Variants in ASB7 observed in about 807,000 individuals in gnomAD.
ASB7 encodes the protein ankyrin repeat and SOCS box protein 7.
Under a neutral mutation model 32.5 loss-of-function variants are expected in ASB7, and 4 were observed. The observed-to-expected ratio is 0.12, with a 90% CI of 0.06 to 0.28. The LOEUF is 0.28. Among genes scored for constraint, ASB7 ranks in the 10% least tolerant of loss-of-function variants. ASB7 has a pLI of 1.00. For missense variants in ASB7, 181 were observed against 407.1 expected (o/e 0.44, Z 4.78); for synonymous variants, 172 against 155.6 (o/e 1.11, Z -0.78).
At chr15:100,638,428 C>G (rs1437041270) in intron 5 of ASB7, 1 of 152,176 alleles carries the variant, frequency 6.6e-6, no homozygotes, top group Non-Finnish European at 1.5e-5. Flanking sequence ...TCTTTCCTCC[C>G]TTCTCACTAC....
At position 100,648,523 on chromosome 15, in the gene ASB7, C is replaced by A; in HGVS notation, c.*61C>A. The stretch of plus-strand genomic sequence containing the variant: ...TCTAGATACTTAAAAGGCTTTTTGC[C>A]TTGCACAAAGTATATCCTATGCAAT... On this transcript the variant is annotated 3_prime_UTR_variant, in exon 6 of 6. Coordinates refer to ENST00000332783, the MANE Select transcript of ASB7 (RefSeq NM_198243.3). 1 of 1,415,888 alleles carries A rather than the reference C, an allele frequency of 7.1e-7. No homozygotes were observed. Among genetic ancestry groups the A allele is most frequent in the Non-Finnish European group, 9.7e-7 (1 of 1,033,534 alleles). The allele number at this position is 1,415,888 out of a possible 1,614,324, so 87.7% of individuals were successfully genotyped here.
At chr15:100,648,229 GA>G in intron 5 of ASB7, 93 bp from the exon 6 acceptor site, 1 of 1,325,740 alleles carries the variant, frequency 7.5e-7, no homozygotes, top group Non-Finnish European at 1.0e-6. Context: ...AGTCCATAGA[GA>G]GAACTTCCAG....
intron 5 of ASB7, among the ~76,000 whole-genome samples, chr15:100,647,812 G>C (rs993275496): frequency 6.6e-6 from 1 of 152,080 alleles, no homozygotes; most frequent in East Asian, 1.9e-4. Flanking sequence ...GGGTGTCCGG[G>C]CTCCAGTGTC....
chr15:100,617,317 A>G (rs528714063), intron 4 of ASB7, among the ~76,000 whole-genome samples: 8 of 152,332 alleles, frequency 5.3e-5, no homozygotes, highest in African/African-American at 1.9e-4. Context: ...ATGATATTCA[A>G]AGTTTATAGT....
chr15:100,609,391 G>A (rs2039674888), intron 2 of ASB7, among the ~76,000 whole-genome samples: 1 of 152,204 alleles, frequency 6.6e-6, no homozygotes, highest in Non-Finnish European at 1.5e-5. Flanking sequence ...GTCTGAAACT[G>A]TATTCTCAAT....
intron 5 of ASB7, among the ~76,000 whole-genome samples, chr15:100,640,755 G>A (rs1029067624): frequency 2.0e-5 from 3 of 152,114 alleles, no homozygotes; most frequent in South Asian, 4.1e-4. Flanking sequence ...TCATAAAAAC[G>A]GTAATGGCGA....
intron 5 of ASB7, among the ~76,000 whole-genome samples, chr15:100,633,928 G>T (rs1055585236): frequency 1.3e-5 from 2 of 152,206 alleles, no homozygotes; most frequent in Non-Finnish European, 2.9e-5. Context: ...GGAGGCTCTG[G>T]CATGTGGGCA....
rs553413008 is a variant in ASB7, at chr15:100,645,705, C to T, written c.818-2618C>T. On this transcript the variant is annotated intron_variant, in intron 5 of 5. Coordinates refer to ENST00000332783, the MANE Select transcript of ASB7 (RefSeq NM_198243.3). ...AAAGAACCATCTTTAGTTTGGGGAT[C>T]CCACAGTCTGATATGCCTATCTGTG... The T allele has an allele frequency of 7.0e-6, 11 of 1,568,802 alleles. No individual in the cohort carries two copies. In the African/African-American group the frequency reaches 1.2e-4, roughly 17 times the overall value.
At chr15:100,611,317 G>T (rs973355644) in intron 3 of ASB7, among the ~76,000 whole-genome samples, 2 of 152,000 alleles carry the variant, frequency 1.3e-5, no homozygotes, top group African/African-American at 4.8e-5. Context: ...GCCTCCCAAA[G>T]TGCTGGGATT....
At chr15:100,607,138 C>T (rs938573425) in intron 2 of ASB7, among the ~76,000 whole-genome samples, 61 of 149,360 alleles carry the variant, frequency 4.1e-4, no homozygotes, top group African/African-American at 1.5e-3. Flanking sequence ...GGCAATAGAG[C>T]GAGCCTCCGT....
rs1321596206 is a variant in ASB7 at position 100,651,419 on chromosome 15, A to T, written c.*2957A>T. ...CGTTCTGGCAGTAGCAAGAGTACAC[A>T]TCTGGAGCATGAGGGACTCTAGCAT... On this transcript the variant is annotated 3_prime_UTR_variant, in exon 6 of 6. Transcript: ENST00000332783. 1 of 152,196 alleles carries T rather than the reference A, an allele frequency of 6.6e-6. No individual in the cohort carries two copies. The highest frequency in any genetic ancestry group is 2.4e-5 in the African/African-American group (1 of 41,440). The allele number at this position is 152,196 out of a possible 1,614,324, so 9.4% of individuals were successfully genotyped here. A position where few individuals can be genotyped will look rare whatever the true frequency, so the allele number is the denominator to read the frequency against.
intron 4 of ASB7, among the ~76,000 whole-genome samples, chr15:100,626,399 A>G (rs764600239): frequency 1.3e-5 from 2 of 152,212 alleles, no homozygotes; most frequent in Non-Finnish European, 2.9e-5. Flanking sequence ...TAAAAGCACA[A>G]TAAGCCACGA....
chr15:100,631,724 C>CTG (rs1290052940), intron 5 of ASB7, among the ~76,000 whole-genome samples: 1 of 152,212 alleles, frequency 6.6e-6, no homozygotes, highest in Non-Finnish European at 1.5e-5. Context: ...CCTAATCTCT[C>CTG]TGTGCCTTAG....
At chr15:100,643,168 C>T (rs927285684) in intron 5 of ASB7, among the ~76,000 whole-genome samples, 5 of 152,104 alleles carry the variant, frequency 3.3e-5, no homozygotes, top group East Asian at 1.9e-4. Context: ...GTTGCTAGGG[C>T]GTCTTGGTGG....
At chr15:100,619,013 T>TA (rs1378568039) in intron 4 of ASB7, among the ~76,000 whole-genome samples, 1 of 152,234 alleles carries the variant, frequency 6.6e-6, no homozygotes. Flanking sequence ...AACCGTTTCT[T>TA]ACCTGTAATT....
chr15:100,648,218 A>G, intron 5 of ASB7, 105 bp from the exon 6 acceptor site: 2 of 1,236,286 alleles, frequency 1.6e-6, no homozygotes, highest in Non-Finnish European at 2.2e-6. Context: ...TTTGCATGTC[A>G]AGTCCATAGA....
chr15:100,603,832 A>T (rs2039604565), intron 2 of ASB7, among the ~76,000 whole-genome samples: 1 of 152,182 alleles, frequency 6.6e-6, no homozygotes, highest in Admixed American at 6.5e-5. Context: ...GAGATTTATG[A>T]GTTTCAGAAA....
chr15:100,616,520 C>T (rs1051586042), intron 4 of ASB7, among the ~76,000 whole-genome samples: 4 of 152,132 alleles, frequency 2.6e-5, no homozygotes, highest in Non-Finnish European at 2.9e-5. Context: ...TATGAGGTAG[C>T]CTGGTACAGT....
At chr15:100,618,600 C>T (rs1312497264) in intron 4 of ASB7, among the ~76,000 whole-genome samples, 1 of 148,578 alleles carries the variant, frequency 6.7e-6, no homozygotes, top group Non-Finnish European at 1.5e-5. Flanking sequence ...TCTCCCTCAC[C>T]TTCTCACCCT....
Sources: gnomAD v4.1 joint callset for allele counts (sites outside exome capture counted in the v4.1 genomes callset) on GRCh38, gnomAD v4.1.1 for gene constraint, MANE v1.5 for transcripts, NCBI Gene and HGNC (gene_info 2026-07-23, HGNC 2026-07-21) for gene names.